CNTN5: variants seen among roughly 807,000 people sequenced by gnomAD.
CNTN5 encodes the protein contactin 5.
A neutral mutation model predicts 129.1 loss-of-function variants in CNTN5; 77 were observed. That is an observed-to-expected ratio of 0.60 (90% confidence interval 0.50 to 0.72). The LOEUF (loss-of-function observed/expected upper bound fraction) is 0.72, where lower values mean the gene tolerates loss of function less well. CNTN5 is among the 30% of genes least tolerant of loss of function. The pLI is 0.00. For synonymous variants in CNTN5, 509 were observed against 465.6 expected, an observed-to-expected ratio of 1.09 and a Z score of -1.20; for missense variants, 1,478 against 1,328.8, an observed-to-expected ratio of 1.11 and a Z score of -1.75.
intron 21 of CNTN5, chr11:100,337,288 A>C: frequency 8.5e-7 from 1 of 1,171,510 alleles, no homozygotes; most frequent in Non-Finnish European, 1.3e-6. Flanking sequence ...AGCCTTTATA[A>C]ATCATGCTCC....
intron 1 of CNTN5, among the ~76,000 whole-genome samples, chr11:99,249,684 A>C: frequency 6.6e-6 from 1 of 152,010 alleles, no homozygotes; most frequent in East Asian, 1.9e-4. Context: ...ATGAGAAATT[A>C]AGACAAAAAC....
chr11:99,890,147 TA>T (rs1441630186), intron 6 of CNTN5, among the ~76,000 whole-genome samples: 2 of 151,902 alleles, frequency 1.3e-5, no homozygotes, highest in Non-Finnish European at 2.9e-5. Flanking sequence ...AAGAATTGAA[TA>T]AAAAAGCAAT....
At chr11:99,112,129 ATG>A (rs1565326357) in intron 1 of CNTN5, among the ~76,000 whole-genome samples, 1 of 152,066 alleles carries the variant, frequency 6.6e-6, no homozygotes, top group Non-Finnish European at 1.5e-5. Context: ...CCTACAACAA[ATG>A]TTGAACAAAG....
At chr11:99,408,458 G>GAAAGAAAGAGAAAGAA (rs1942219865) in intron 2 of CNTN5, among the ~76,000 whole-genome samples, 1 of 136,908 alleles carries the variant, frequency 7.3e-6, no homozygotes, top group Non-Finnish European at 1.6e-5. Context: ...GAGAAAGAAA[G>GAAAGAAAGAGAAAGAA]AAAGAAAGAA....
chr11:99,842,672 C>G, intron 4 of CNTN5, among the ~76,000 whole-genome samples: 1 of 151,534 alleles, frequency 6.6e-6, no homozygotes, highest in Non-Finnish European at 1.5e-5. Flanking sequence ...GGTTTTTTTT[C>G]CCACAGCGTA....
chr11:99,706,154 T>G (rs74767012), intron 3 of CNTN5, among the ~76,000 whole-genome samples: 7,043 of 151,456 alleles, frequency 0.047, 226 homozygotes, highest in South Asian at 0.096. Flanking sequence ...AAAGAGGGAC[T>G]AGATACAGAA....
intron 2 of CNTN5, among the ~76,000 whole-genome samples, chr11:99,542,930 G>A (rs970790360): frequency 6.6e-6 from 1 of 152,234 alleles, no homozygotes; most frequent in Non-Finnish European, 1.5e-5. Flanking sequence ...TTCCTTGGAA[G>A]GAACTTAGAG....
At chr11:100,068,115 T>C (rs1212268433) in intron 10 of CNTN5, among the ~76,000 whole-genome samples, 1 of 152,156 alleles carries the variant, frequency 6.6e-6, no homozygotes, top group Admixed American at 6.6e-5. Flanking sequence ...GATCAATAAG[T>C]CTAACAAATA....
chr11:99,397,728 A>T (rs939259551), intron 2 of CNTN5, among the ~76,000 whole-genome samples: 3 of 151,498 alleles, frequency 2.0e-5, no homozygotes, highest in African/African-American at 7.3e-5. Flanking sequence ...TTTTTCTGGT[A>T]TTACAAGATG....
rs375970022 is a variant in CNTN5 at position 99,736,022 on chromosome 11, TTC to T, written c.56-83516_56-83515del. 5.9e-5 allele frequency among the ~76,000 whole-genome samples: 9 copies of T among 152,224 alleles called. No individual in the cohort carries two copies. The South Asian group carries it at 6.2e-4, about 11-fold the overall frequency. On this transcript the variant is annotated intron_variant, in intron 3 of 24. Coordinates refer to ENST00000524871, the MANE Select transcript of CNTN5 (RefSeq NM_014361.4). ...TGATTTCTTTTTCTTTCTCTTTTTT[TTC>T]TCTCTTTCTTTTTCTTTCTCTTTCT...
At chr11:99,143,645 A>C (rs1177325178) in intron 1 of CNTN5, among the ~76,000 whole-genome samples, 4 of 152,066 alleles carry the variant, frequency 2.6e-5, no homozygotes, top group African/African-American at 9.7e-5. Flanking sequence ...ATATTAAGTT[A>C]TGTGCACTAC....
intron 3 of CNTN5, among the ~76,000 whole-genome samples, chr11:99,808,923 G>A (rs759696919): frequency 5.3e-5 from 8 of 152,234 alleles, no homozygotes; most frequent in Non-Finnish European, 1.0e-4. Context: ...GACAGTAACG[G>A]ACAGCTAAAG....
chr11:99,673,947 A>G (rs1953160349), intron 3 of CNTN5, among the ~76,000 whole-genome samples: 2 of 152,198 alleles, frequency 1.3e-5, no homozygotes, highest in East Asian at 1.9e-4. Context: ...TAATAGAACA[A>G]TTTATATTCC....
At chr11:99,936,930 G>C (rs1020740060) in intron 7 of CNTN5, among the ~76,000 whole-genome samples, 3 of 152,094 alleles carry the variant, frequency 2.0e-5, no homozygotes, top group Admixed American at 1.3e-4. Flanking sequence ...CATTTCATTA[G>C]CAAGGAAACA....
intron 2 of CNTN5, among the ~76,000 whole-genome samples, chr11:99,483,970 G>A (rs12222712): frequency 0.023 from 3,545 of 152,016 alleles, 62 homozygotes; most frequent in Middle Eastern, 0.061. Context: ...GAAAACACAC[G>A]TGAAATGCTT....
chr11:100,048,943 C>G (rs1942824656), intron 9 of CNTN5, among the ~76,000 whole-genome samples: 2 of 152,028 alleles, frequency 1.3e-5, no homozygotes, highest in South Asian at 4.1e-4. Flanking sequence ...AAATAGTTCA[C>G]TTGGAGTTAT....
intron 1 of CNTN5, among the ~76,000 whole-genome samples, chr11:99,104,884 A>G (rs1406878805): frequency 6.6e-6 from 1 of 152,202 alleles, no homozygotes; most frequent in Non-Finnish European, 1.5e-5. Flanking sequence ...ACTAAAATTA[A>G]TGATTAACAA....
chr11:100,171,061 A>G (rs1947811699), intron 13 of CNTN5, among the ~76,000 whole-genome samples: 1 of 151,854 alleles, frequency 6.6e-6, no homozygotes, highest in African/African-American at 2.4e-5. Flanking sequence ...GTATTTTACA[A>G]TGCCACACAT....
intron 1 of CNTN5, among the ~76,000 whole-genome samples, chr11:99,043,902 T>A (rs990371061): frequency 6.6e-6 from 1 of 152,178 alleles, no homozygotes; most frequent in African/African-American, 2.4e-5. Context: ...CCATTTCAGC[T>A]CCGTGGATGT....
Sources: gnomAD v4.1 joint callset for allele counts (sites outside exome capture counted in the v4.1 genomes callset) on GRCh38, gnomAD v4.1.1 for gene constraint, MANE v1.5 for transcripts, NCBI Gene and HGNC (gene_info 2026-07-23, HGNC 2026-07-21) for gene names.